Variants in HDAC9 observed in about 807,000 individuals in gnomAD.
HDAC9 encodes MEF-2 interacting transcription repressor (MITR) protein.
In HDAC9, 41 loss-of-function variants were observed where a neutral mutation model predicts 139.4. That is an observed-to-expected ratio of 0.29 (90% confidence interval 0.23 to 0.38). The LOEUF (loss-of-function observed/expected upper bound fraction) is 0.38. Ranked by LOEUF, HDAC9 falls within the 10% of genes least tolerant of loss-of-function variation. The pLI is 1.00. For synonymous variants in HDAC9, 517 were observed against 476.2 expected, an observed-to-expected ratio of 1.09 and a Z score of -1.12; for missense variants, 1,147 against 1,297.0, an observed-to-expected ratio of 0.88 and a Z score of 1.78.
chr7:18,783,149 G>T (rs1230747502), intron 16 of HDAC9, among the ~76,000 whole-genome samples: 1 of 152,054 alleles, frequency 6.6e-6, no homozygotes, highest in African/African-American at 2.4e-5. Flanking sequence ...CAAATTATTG[G>T]TAGTCATTCT....
In HDAC9 at chr7:18,408,981, A is replaced by G. The variant is rs77683956; in HGVS notation, c.-41-87281A>G. On this transcript the variant is annotated intron_variant, in intron 1 of 3. Coordinates refer to the HDAC9 transcript ENST00000413509. ...TTTGGAGATAATCAAATCCGTTTTT[A>G]GACTTCCACATTTTCCTAACTTTAT... Among the ~76,000 whole-genome samples, 834 of 152,306 alleles carry G rather than the reference A, an allele frequency of 5.5e-3. 8 individuals are homozygous for G. Among genetic ancestry groups the G allele is most frequent in the African/African-American group, 0.019 (810 of 41,578 alleles).
chr7:18,957,105 G>C (rs1477225310), intron 24 of HDAC9, among the ~76,000 whole-genome samples: 1 of 151,692 alleles, frequency 6.6e-6, no homozygotes, highest in Non-Finnish European at 1.5e-5. Context: ...AGAGGGCTCT[G>C]AATAGTGGGT....
At chr7:18,122,077 G>A (rs1784396951) in intron 1 of HDAC9, among the ~76,000 whole-genome samples, 1 of 152,160 alleles carries the variant, frequency 6.6e-6, no homozygotes, top group African/African-American at 2.4e-5. Context: ...CAGAATTTAA[G>A]TACAAGTAAC....
chr7:18,333,281 A>T (rs1474207493), intron 1 of HDAC9, among the ~76,000 whole-genome samples: 1 of 151,496 alleles, frequency 6.6e-6, no homozygotes, highest in African/African-American at 2.4e-5. Flanking sequence ...GGGGAGATTT[A>T]GGCCAAAGAA....
intron 22 of HDAC9, among the ~76,000 whole-genome samples, chr7:18,904,028 G>A (rs1237703190): frequency 5.3e-5 from 8 of 152,238 alleles, no homozygotes; most frequent in Non-Finnish European, 7.4e-5. Flanking sequence ...CTGTAGTTTC[G>A]ATAGTCATAA....
At chr7:18,391,611 A>G (rs1318542167) in intron 1 of HDAC9, among the ~76,000 whole-genome samples, 2 of 152,330 alleles carry the variant, frequency 1.3e-5, no homozygotes, top group East Asian at 3.9e-4. Flanking sequence ...AAATAGTGTT[A>G]CCCAGAAGAC....
intron 1 of HDAC9, among the ~76,000 whole-genome samples, chr7:18,414,831 G>A (rs1436354627): frequency 6.6e-6 from 1 of 152,058 alleles, no homozygotes; most frequent in African/African-American, 2.4e-5. Context: ...CATTTAATGG[G>A]GAAGCAGAGG....
chr7:18,417,276 T>G (rs1176033582), intron 1 of HDAC9, among the ~76,000 whole-genome samples: 1 of 152,200 alleles, frequency 6.6e-6, no homozygotes, highest in Non-Finnish European at 1.5e-5. Context: ...AAGTTCAACT[T>G]CCATCTTTTT....
rs1301213313 is a variant in HDAC9 at position 18,952,805 on chromosome 7, G to A, written c.2938-1341G>A. Among the ~76,000 whole-genome samples the A allele has an allele frequency of 2.1e-5, 3 of 143,262 alleles. No homozygotes were observed. In the Admixed American group the frequency reaches 2.2e-4, roughly 10 times the overall value. 94.0% of individuals were successfully genotyped at this position (143,262 alleles called of 152,430 possible). A position where few individuals can be genotyped will look rare whatever the true frequency, so the allele number is the denominator to read the frequency against. On this transcript the variant is annotated intron_variant, in intron 23 of 25. Transcript: ENST00000686413. Reference sequence around the variant, plus strand: ...TCAGAACCTTGTACTGCCACAGAGCGGTGGTGGTGATGTTTTTTTTTTTTT... The same window carrying A: ...TCAGAACCTTGTACTGCCACAGAGCAGTGGTGGTGATGTTTTTTTTTTTTT...
chr7:18,970,716 A>C (rs1203044478), intron 24 of HDAC9, among the ~76,000 whole-genome samples: 1 of 152,162 alleles, frequency 6.6e-6, no homozygotes, highest in Admixed American at 6.5e-5. Flanking sequence ...TGGTTGAAGG[A>C]GATAGCAAGA....
chr7:18,124,619 C>T (rs931227150), intron 1 of HDAC9, among the ~76,000 whole-genome samples: 1 of 152,000 alleles, frequency 6.6e-6, no homozygotes, highest in Non-Finnish European at 1.5e-5. Flanking sequence ...ACCCGTGAGG[C>T]CTTCTAATAC....
chr7:18,451,341 G>A (rs2128102333), intron 1 of HDAC9, among the ~76,000 whole-genome samples: 1 of 150,442 alleles, frequency 6.6e-6, no homozygotes, highest in South Asian at 2.1e-4. Flanking sequence ...ATAGCAGGCT[G>A]AATGGACCAA....
intron 16 of HDAC9, among the ~76,000 whole-genome samples, chr7:18,781,238 A>G (rs1184250097): frequency 6.6e-6 from 1 of 152,040 alleles, no homozygotes; most frequent in East Asian, 1.9e-4. Flanking sequence ...ATACAGTCCC[A>G]TTGGGCTTAG....
chr7:18,733,318 T>C (rs926305942), intron 13 of HDAC9, among the ~76,000 whole-genome samples: 2 of 150,232 alleles, frequency 1.3e-5, no homozygotes, highest in African/African-American at 4.9e-5. Context: ...AATGTATATA[T>C]ACACATGTAT....
intron 13 of HDAC9, among the ~76,000 whole-genome samples, chr7:18,733,104 T>C (rs1786493889): frequency 6.8e-6 from 1 of 146,026 alleles, no homozygotes; most frequent in African/African-American, 2.5e-5. Context: ...TGTGTATATA[T>C]ACATATATAT....
At chr7:18,707,950 A>G (rs926057658) in intron 12 of HDAC9, among the ~76,000 whole-genome samples, 8 of 151,774 alleles carry the variant, frequency 5.3e-5, no homozygotes, top group Middle Eastern at 3.4e-3. Flanking sequence ...TTGAGGGGAG[A>G]CAGACAGTAC....
In HDAC9 at chr7:18,087,874, C is replaced by A. The variant is rs145325731; in HGVS notation, c.-97+661C>A. Reference sequence around the variant, plus strand: ...TGTTTGGCTTTGAAGCCGTTATCCCCTTGTCCGCAATGAGAGGTGCTGGTG... The same window carrying A: ...TGTTTGGCTTTGAAGCCGTTATCCCATTGTCCGCAATGAGAGGTGCTGGTG... On this transcript the variant is annotated intron_variant, in intron 1 of 12. Transcript: ENST00000417496. The A allele has an allele frequency of 5.8e-3, 881 of 152,544 alleles. 3 individuals carry two copies. The highest frequency in any genetic ancestry group is 0.01 in the Middle Eastern group (3 of 292). The allele number at this position is 152,544 out of a possible 1,614,324, so 9.4% of individuals were successfully genotyped here.
chr7:18,722,958 T>C (rs923682048), intron 12 of HDAC9, among the ~76,000 whole-genome samples: 1 of 152,196 alleles, frequency 6.6e-6, no homozygotes, highest in African/African-American at 2.4e-5. Flanking sequence ...ACAGTTTTAA[T>C]ATAGGTAATA....
intron 25 of HDAC9, among the ~76,000 whole-genome samples, chr7:18,993,555 AT>A (rs1786181388): frequency 6.6e-6 from 1 of 152,162 alleles, no homozygotes; most frequent in South Asian, 2.1e-4. Context: ...TAGTCCCAGC[AT>A]TTTGGAAGGC....
Sources: gnomAD v4.1 joint callset for allele counts (sites outside exome capture counted in the v4.1 genomes callset) on GRCh38, gnomAD v4.1.1 for gene constraint, MANE v1.5 for transcripts, NCBI Gene and HGNC (gene_info 2026-07-23, HGNC 2026-07-21) for gene names.